BICD1: variants seen among roughly 807,000 people sequenced by gnomAD.
The protein encoded by BICD1 is BICD cargo adaptor 1, also known as protein bicaudal D homolog 1.
In BICD1, 35 loss-of-function variants were observed where a neutral mutation model predicts 92.5. That is an observed-to-expected ratio of 0.38 (90% CI 0.29 to 0.50). The LOEUF is 0.50. Ranked by LOEUF, BICD1 falls within the 20% of genes least tolerant of loss-of-function variation. The probability of loss-of-function intolerance (pLI) is 0.93; values close to 1 mark genes in which losing one functional copy is unlikely to be tolerated. For missense variants in BICD1, 950 were observed against 1,189.8 expected (o/e 0.80, Z 2.97); for synonymous variants, 429 against 465.1 (o/e 0.92, Z 1.00).
In BICD1 at chr12:32,333,095, A is replaced by T. The variant is rs1937950638; in HGVS notation, c.2101-1421A>T. On this transcript the variant is annotated intron_variant, in intron 5 of 9. Coordinates refer to ENST00000652176, the MANE Select transcript of BICD1 (RefSeq NM_001714.4). Reference sequence around the variant, plus strand: ...TAGCTCTTCTGTTATCCCCCATTTTATTCCCCTTAGATACTGACCATGGGA... The same window carrying T: ...TAGCTCTTCTGTTATCCCCCATTTTTTTCCCCTTAGATACTGACCATGGGA... 3.0e-6 allele frequency: 3 copies of T among 984,316 alleles called. No homozygotes were observed. The South Asian group carries it at 1.4e-4, about 46-fold the overall frequency. 61.0% of individuals were successfully genotyped at this position (984,316 alleles called of 1,614,324 possible). A position where few individuals can be genotyped will look rare whatever the true frequency, so the allele number is the denominator to read the frequency against.
intron 1 of BICD1, among the ~76,000 whole-genome samples, chr12:32,136,318 A>G (rs1942732910): frequency 6.6e-6 from 1 of 152,198 alleles, no homozygotes; most frequent in South Asian, 2.1e-4. Context: ...TTAAATAATT[A>G]CTTAACAACT....
intron 1 of BICD1, among the ~76,000 whole-genome samples, chr12:32,208,953 G>A (rs1225609161): frequency 6.6e-6 from 1 of 151,992 alleles, no homozygotes; most frequent in East Asian, 1.9e-4. Flanking sequence ...TCCTGCCTCA[G>A]CCTTCAGAGT....
intron 4 of BICD1, among the ~76,000 whole-genome samples, chr12:32,307,215 C>T (rs968138783): frequency 3.9e-5 from 6 of 151,984 alleles, no homozygotes; most frequent in African/African-American, 1.5e-4. Context: ...AAAGGACTTC[C>T]TATGTACAAA....
intron 9 of BICD1, 80 bp downstream of exon 9, chr12:32,367,825 C>T: frequency 8.0e-7 from 1 of 1,247,822 alleles, no homozygotes; most frequent in South Asian, 1.2e-5. Context: ...GACACCTGAA[C>T]TGCCTACGCA....
chr12:32,261,479 G>A (rs891355994), intron 2 of BICD1, among the ~76,000 whole-genome samples: 19 of 152,152 alleles, frequency 1.2e-4, no homozygotes, highest in African/African-American at 4.3e-4. Flanking sequence ...ACAGTGTATG[G>A]GGATGTGAAG....
intron 2 of BICD1, among the ~76,000 whole-genome samples, chr12:32,276,337 T>A (rs1947276550): frequency 6.6e-6 from 1 of 152,104 alleles, no homozygotes; most frequent in Non-Finnish European, 1.5e-5. Context: ...GGTTTTCCTG[T>A]TGAGAGAGGG....
chr12:32,303,160 C>G (rs954718605), intron 3 of BICD1, among the ~76,000 whole-genome samples: 1 of 151,822 alleles, frequency 6.6e-6, no homozygotes, highest in African/African-American at 2.4e-5. Flanking sequence ...GTCTCAAACT[C>G]CTGTGCTCAA....
intron 2 of BICD1, among the ~76,000 whole-genome samples, chr12:32,274,608 C>A (rs989350061): frequency 1.3e-5 from 2 of 151,912 alleles, no homozygotes; most frequent in Non-Finnish European, 2.9e-5. Flanking sequence ...TTTACTGAGG[C>A]GTTTATATTT....
chr12:32,115,588 C>G (rs1483908270), intron 1 of BICD1, among the ~76,000 whole-genome samples: 1 of 151,836 alleles, frequency 6.6e-6, no homozygotes, highest in Non-Finnish European at 1.5e-5. Flanking sequence ...TTGGGTGACC[C>G]TGGGGATGTG....
At chr12:32,299,798 C>T (rs1947982228) in intron 3 of BICD1, among the ~76,000 whole-genome samples, 1 of 152,156 alleles carries the variant, frequency 6.6e-6, no homozygotes, top group African/African-American at 2.4e-5. Context: ...GGTGACATAG[C>T]AAGAGATCGG....
intron 2 of BICD1, among the ~76,000 whole-genome samples, chr12:32,229,188 T>G (rs1385652376): frequency 1.3e-5 from 2 of 151,812 alleles, no homozygotes; most frequent in Non-Finnish European, 2.9e-5. Context: ...GAGGTGGAGG[T>G]TGCAGTGAGC....
chr12:32,285,069 C>T (rs1424619832), intron 2 of BICD1, among the ~76,000 whole-genome samples: 1 of 152,190 alleles, frequency 6.6e-6, no homozygotes, highest in African/African-American at 2.4e-5. Flanking sequence ...GCCTTCAACA[C>T]AAATATAAGG....
chr12:32,178,780 G>A (rs1944190824), intron 1 of BICD1, among the ~76,000 whole-genome samples: 1 of 151,906 alleles, frequency 6.6e-6, no homozygotes, highest in South Asian at 2.1e-4. Context: ...TTGTACAAAA[G>A]CCTGGTGGCT....
Position 32,216,328 on chromosome 12 carries a change from G to A in BICD1, c.295G>A (p.Ala99Thr). 1.2e-6 allele frequency: 2 copies of A among 1,614,194 alleles called. No individual in the cohort carries two copies. Among genetic ancestry groups the A allele is most frequent in the Non-Finnish European group, 1.7e-6 (2 of 1,180,038 alleles). ...TREETLLQES[A>T]SKEAYYLGKI... ...GGAGGAAACGCTTCTGCAGGAGTCA[G>A]CATCGAAGGAGGCTTACTATCTGGG... is the stretch of plus-strand genomic sequence containing the variant. The change falls in exon 2 of 10, where the codon GCA (alanine) becomes ACA (threonine). Residue 99 changes from alanine (A) to threonine (T), a missense_variant. Transcript: ENST00000652176.
At chr12:32,116,777 G>C (rs1313823852) in intron 1 of BICD1, among the ~76,000 whole-genome samples, 1 of 151,450 alleles carries the variant, frequency 6.6e-6, no homozygotes, top group Non-Finnish European at 1.5e-5. Context: ...ATGAGGTTTT[G>C]TTATGTTGCT....
intron 9 of BICD1, among the ~76,000 whole-genome samples, chr12:32,376,360 TA>T (rs1939961972): frequency 6.6e-6 from 1 of 152,050 alleles, no homozygotes. Context: ...GTGCTGGGAT[TA>T]CAGGTGTGAG....
chr12:32,213,827 G>T (rs1228625226), intron 1 of BICD1, among the ~76,000 whole-genome samples: 2 of 152,164 alleles, frequency 1.3e-5, no homozygotes, highest in Non-Finnish European at 2.9e-5. Flanking sequence ...CTTCCCATTA[G>T]AATTAATAAG....
intron 1 of BICD1, among the ~76,000 whole-genome samples, chr12:32,201,108 T>C (rs928289779): frequency 2.0e-5 from 3 of 152,188 alleles, no homozygotes; most frequent in African/African-American, 7.2e-5. Flanking sequence ...CCTACTGTAA[T>C]TTTTTCTTCT....
intron 8 of BICD1, chr12:32,353,609 G>A (rs1938981035): frequency 6.6e-6 from 1 of 151,926 alleles, no homozygotes; most frequent in African/African-American, 2.4e-5. Flanking sequence ...TATTAAACAA[G>A]AAGATCAAAC....
Sources: allele counts gnomAD v4.1 joint callset (sites outside exome capture counted in the v4.1 genomes callset), GRCh38; gene constraint gnomAD v4.1.1; transcripts MANE v1.5; gene names NCBI Gene and HGNC (gene_info 2026-07-23, HGNC 2026-07-21).